PPP3CA: variants seen among roughly 807,000 people sequenced by gnomAD.
PPP3CA encodes the protein protein phosphatase 3 catalytic subunit alpha, also known as CAM-PRP catalytic subunit.
In PPP3CA, 14 loss-of-function variants were observed where a neutral mutation model predicts 66.5. The ratio of observed to expected loss-of-function variants is 0.21; its 90% CI spans 0.14 to 0.33. PPP3CA has a LOEUF of 0.33. Among genes scored for constraint, PPP3CA ranks in the 10% least tolerant of loss-of-function variants. PPP3CA has a pLI of 1.00. For synonymous variants in PPP3CA, 232 were observed against 226.2 expected, an observed-to-expected ratio of 1.03 and a Z score of -0.23; for missense variants, 317 against 639.5, an observed-to-expected ratio of 0.50 and a Z score of 5.44.
intron 1 of PPP3CA, among the ~76,000 whole-genome samples, chr4:101,219,890 T>G (rs1725570241): frequency 6.6e-6 from 1 of 151,884 alleles, no homozygotes; most frequent in African/African-American, 2.4e-5. Flanking sequence ...AGCTTTATAG[T>G]ATTAAGAATG....
intron 3 of PPP3CA, among the ~76,000 whole-genome samples, chr4:101,106,373 AAAAGAAAGAAAGAAAGAAAGAAAG>A (rs1156736728): frequency 2.8e-4 from 4 of 14,120 alleles, no homozygotes; most frequent in African/African-American, 1.2e-3. Context: ...TAAAAGAGAG[AAAAGAAAGAAAGAAAGAAAGAAAG>A]AAAGAAAGAA....
At position 101,238,214 on chromosome 4, in the gene PPP3CA, C is replaced by T. The variant is rs559756416; in HGVS notation, c.59-42098G>A. 9.2e-4 allele frequency among the ~76,000 whole-genome samples: 140 copies of T among 152,078 alleles called. 1 individual carries two copies. The highest frequency in any genetic ancestry group is 3.3e-3 in the African/African-American group (136 of 41,508). On this transcript the variant is annotated intron_variant, in intron 1 of 13. Coordinates refer to ENST00000394854, the MANE Select transcript of PPP3CA (RefSeq NM_000944.5). ...CAGTAAAATTGATTATAAAGATGCACAAATATGCTTAAAAAGTCATATCAC... is the reference window on the plus strand; with the variant it reads ...CAGTAAAATTGATTATAAAGATGCATAAATATGCTTAAAAAGTCATATCAC...
At position 101,195,089 on chromosome 4, in the gene PPP3CA, G is replaced by A. The variant is rs912160761; in HGVS notation, c.259+827C>T. ...GGAGTTCAAGAGCAGCCTGGCCAAC[G>A]TGGTGAAACACCATCTCTACAAAAA... On this transcript the variant is annotated intron_variant, in intron 2 of 13. Transcript: ENST00000394854. 2.6e-5 allele frequency among the ~76,000 whole-genome samples: 4 copies of A among 151,768 alleles called. No individual in the cohort carries two copies. The South Asian group carries it at 6.2e-4, about 24-fold the overall frequency.
chr4:101,264,442 CAG>C (rs1266597148), intron 1 of PPP3CA, among the ~76,000 whole-genome samples: 2 of 150,574 alleles, frequency 1.3e-5, no homozygotes, highest in East Asian at 3.9e-4. Context: ...CACCTTAAGA[CAG>C]GGCAAGAAAA....
At chr4:101,194,568 T>A (rs1177071811) in intron 2 of PPP3CA, among the ~76,000 whole-genome samples, 1 of 151,332 alleles carries the variant, frequency 6.6e-6, no homozygotes, top group Non-Finnish European at 1.5e-5. Context: ...TACTATACAA[T>A]TTTTTTTTCT....
intron 2 of PPP3CA, among the ~76,000 whole-genome samples, chr4:101,183,845 C>G (rs141194170): frequency 6.6e-5 from 10 of 152,098 alleles, no homozygotes; most frequent in African/African-American, 2.2e-4. Flanking sequence ...AATAACTCAT[C>G]GCTCAACCCT....
intron 1 of PPP3CA, among the ~76,000 whole-genome samples, chr4:101,309,871 C>A (rs935881489): frequency 1.3e-5 from 2 of 152,206 alleles, no homozygotes; most frequent in African/African-American, 4.8e-5. Context: ...GTGTGCTACA[C>A]ATTCCCCTAT....
chr4:101,344,934 G>A (rs779320332), intron 1 of PPP3CA, among the ~76,000 whole-genome samples: 13 of 152,124 alleles, frequency 8.5e-5, no homozygotes, highest in Non-Finnish European at 1.9e-4. Flanking sequence ...CACACATTAA[G>A]GAGATAATTG....
In PPP3CA at chr4:101,248,194, C is replaced by T. The variant is rs976079651; in HGVS notation, c.59-52078G>A. Among the ~76,000 whole-genome samples, 5 of 152,180 alleles carry T rather than the reference C, an allele frequency of 3.3e-5. No individual in the cohort carries two copies. In the East Asian group the frequency reaches 9.6e-4, roughly 29 times the overall value. On this transcript the variant is annotated intron_variant, in intron 1 of 13. Transcript: ENST00000394854. ...CTTCGTTCCTTCCGTCTCTAACATCCTATGACTATTTGCAATTTAGAATGT... is the reference window on the plus strand; with the variant it reads ...CTTCGTTCCTTCCGTCTCTAACATCTTATGACTATTTGCAATTTAGAATGT...
At chr4:101,131,685 A>G (rs1341129260) in intron 2 of PPP3CA, among the ~76,000 whole-genome samples, 5 of 152,158 alleles carry the variant, frequency 3.3e-5, no homozygotes, top group Non-Finnish European at 7.3e-5. Flanking sequence ...TCAATATGAG[A>G]CAGATTAATG....
At chr4:101,038,648 G>A (rs1331518758) in intron 11 of PPP3CA, among the ~76,000 whole-genome samples, 1 of 151,958 alleles carries the variant, frequency 6.6e-6, no homozygotes, top group African/African-American at 2.4e-5. Flanking sequence ...GATTACAGGC[G>A]TGAGCCACCA....
intron 2 of PPP3CA, among the ~76,000 whole-genome samples, chr4:101,112,908 G>A (rs1050806815): frequency 2.0e-5 from 3 of 152,008 alleles, no homozygotes; most frequent in Admixed American, 1.3e-4. Context: ...ACACTTGTGT[G>A]CCCAGGAGGC....
intron 13 of PPP3CA, among the ~76,000 whole-genome samples, chr4:101,028,374 G>A (rs1483425240): frequency 1.3e-5 from 2 of 152,062 alleles, no homozygotes; most frequent in African/African-American, 2.4e-5. Flanking sequence ...AAATACTAAA[G>A]GTTCGACTCT....
At chr4:101,196,817 C>T (rs929634607) in intron 1 of PPP3CA, among the ~76,000 whole-genome samples, 3 of 152,186 alleles carry the variant, frequency 2.0e-5, no homozygotes, top group African/African-American at 7.2e-5. Context: ...CAATCATTCT[C>T]TCTTCCACTC....
At chr4:101,288,545 CGGGAGG>C (rs1331731058) in intron 1 of PPP3CA, among the ~76,000 whole-genome samples, 1 of 91,840 alleles carries the variant, frequency 1.1e-5, no homozygotes. Context: ...GAGAAGGGAG[CGGGAGG>C]GGGAGGGGAG....
At chr4:101,318,428 A>C (rs920382477) in intron 1 of PPP3CA, among the ~76,000 whole-genome samples, 3 of 152,334 alleles carry the variant, frequency 2.0e-5, no homozygotes, top group African/African-American at 7.2e-5. Flanking sequence ...AAATCACAGA[A>C]GTGGTAAGCA....
intron 1 of PPP3CA, among the ~76,000 whole-genome samples, chr4:101,220,446 A>C (rs2110213267): frequency 6.6e-6 from 1 of 151,804 alleles, no homozygotes; most frequent in Non-Finnish European, 1.5e-5. Context: ...ATGTCTCTCA[A>C]ATAACAGTAT....
intron 2 of PPP3CA, among the ~76,000 whole-genome samples, chr4:101,131,615 G>C (rs760026552): frequency 8.5e-5 from 13 of 152,154 alleles, no homozygotes; most frequent in Non-Finnish European, 1.8e-4. Context: ...AGTTCTAAGA[G>C]ACCTACAAAG....
chr4:101,320,493 TACACACACACACACACAC>T (rs147488680), intron 1 of PPP3CA, among the ~76,000 whole-genome samples: 1 of 143,136 alleles, frequency 7.0e-6, no homozygotes, highest in Non-Finnish European at 1.5e-5. Flanking sequence ...TGTGTGTGTA[TACACACACACACACACAC>T]ATACACAGAC....
Sources: allele counts gnomAD v4.1 joint callset (sites outside exome capture counted in the v4.1 genomes callset), GRCh38; gene constraint gnomAD v4.1.1; transcripts MANE v1.5; gene names NCBI Gene and HGNC (gene_info 2026-07-23, HGNC 2026-07-21).